Variants in MBTPS1 observed in about 807,000 individuals in gnomAD.
The protein encoded by MBTPS1 is membrane bound transcription factor peptidase, site 1.
Under a neutral mutation model 127.8 loss-of-function variants are expected in MBTPS1, and 94 were observed. That is an observed-to-expected ratio of 0.74 (90% CI 0.62 to 0.87). The LOEUF (loss-of-function observed/expected upper bound fraction) is 0.87. Among genes scored for constraint, MBTPS1 ranks in the 40% least tolerant of loss-of-function variants. MBTPS1 has a pLI of 0.00. For missense variants in MBTPS1, 1,636 were observed against 1,353.2 expected (o/e 1.21, Z -3.28); for synonymous variants, 632 against 509.4 (o/e 1.24, Z -3.24).
intron 6 of MBTPS1, among the ~76,000 whole-genome samples, chr16:84,092,158 C>T (rs752279078): frequency 1.8e-4 from 27 of 152,240 alleles, no homozygotes; most frequent in Non-Finnish European, 3.4e-4. Flanking sequence ...AGCTCCCAAC[C>T]GCCCCTCTCC....
chr16:84,096,904 C>T (rs2086186242), intron 3 of MBTPS1, among the ~76,000 whole-genome samples: 1 of 152,148 alleles, frequency 6.6e-6, no homozygotes, highest in African/African-American at 2.4e-5. Flanking sequence ...GGCCAGACTC[C>T]ACCTCCAGTA....
At chr16:84,095,905 G>C (rs757889786) in intron 3 of MBTPS1, 100 bp from the exon 4 acceptor site, 124 of 919,822 alleles carry the variant, frequency 1.3e-4, no homozygotes, top group Non-Finnish European at 2.0e-4. Flanking sequence ...ATTACCATTT[G>C]CCACTCTGTT....
At chr16:84,115,454 T>G (rs1017100912) in intron 1 of MBTPS1, among the ~76,000 whole-genome samples, 2 of 152,168 alleles carry the variant, frequency 1.3e-5, no homozygotes, top group African/African-American at 4.8e-5. Flanking sequence ...CATCACACAT[T>G]AGAGCATAAA....
chr16:84,063,221 G>T, intron 19 of MBTPS1, 84 bp downstream of exon 19: 2 of 1,420,044 alleles, frequency 1.4e-6, no homozygotes, highest in Non-Finnish European at 2.0e-6. Flanking sequence ...TGATCTGCCA[G>T]CATCTCACGG....
intron 12 of MBTPS1, 43 bp downstream of exon 12, chr16:84,074,554 A>C: frequency 2.5e-6 from 4 of 1,601,110 alleles, no homozygotes; most frequent in Non-Finnish European, 3.4e-6. Flanking sequence ...GCTGTGTCTA[A>C]GTTCACCATC....
chr16:84,106,466 G>A (rs1448779406), intron 1 of MBTPS1, among the ~76,000 whole-genome samples: 1 of 152,332 alleles, frequency 6.6e-6, no homozygotes, highest in South Asian at 2.1e-4. Flanking sequence ...GGGGAAACAG[G>A]ATCCAGGCAG....
rs554137825 is a variant in MBTPS1, at chr16:84,090,806, C to A, written c.1031+69G>T. ...AAGTAACCATAGGTAGATACACAAA[C>A]AGATAACAATTTTTCAGTTATTTAA... On this transcript the variant is annotated intron_variant, in intron 8 of 22. Transcript: ENST00000343411. 15 of 1,113,792 alleles carry A rather than the reference C, an allele frequency of 1.3e-5. No individual in the cohort carries two copies. The South Asian group carries it at 1.4e-4, about 10-fold the overall frequency. The allele number at this position is 1,113,792 out of a possible 1,614,324, so 69.0% of individuals were successfully genotyped here.
intron 11 of MBTPS1, among the ~76,000 whole-genome samples, chr16:84,080,084 G>T (rs540562061): frequency 3.9e-5 from 6 of 152,310 alleles, no homozygotes; most frequent in Non-Finnish European, 7.3e-5. Context: ...CTGGACACAT[G>T]CTGAAAACAC....
rs2085483497 is a variant in MBTPS1 at position 84,054,328 on chromosome 16, C to CT, written c.*120dup. Reference sequence around the variant, plus strand: ...AGGGCAGGCCCATGTAGAACAGACTCTAACAAACCTGCAGCTGGAAACTGG... The same window carrying CT: ...AGGGCAGGCCCATGTAGAACAGACTCTTAACAAACCTGCAGCTGGAAACTGG... On this transcript the variant is annotated 3_prime_UTR_variant, in exon 23 of 23. Transcript: ENST00000343411. 1.1e-6 allele frequency: 1 copy of CT among 889,106 alleles called. No individual in the cohort carries two copies. The highest frequency in any genetic ancestry group is 1.9e-5 in the South Asian group (1 of 53,748). The allele number at this position is 889,106 out of a possible 1,614,324, so 55.1% of individuals were successfully genotyped here. A position where few individuals can be genotyped will look rare whatever the true frequency, so the allele number is the denominator to read the frequency against.
intron 7 of MBTPS1, among the ~76,000 whole-genome samples, 188 bp from the exon 8 acceptor site, chr16:84,091,130 G>A (rs530770354): frequency 6.6e-6 from 1 of 152,288 alleles, no homozygotes; most frequent in East Asian, 1.9e-4. Context: ...GAAGCACGCA[G>A]TGCACAGAGC....
At chr16:84,081,150 T>C (rs902164531) in intron 11 of MBTPS1, among the ~76,000 whole-genome samples, 1 of 152,206 alleles carries the variant, frequency 6.6e-6, no homozygotes, top group South Asian at 2.1e-4. Flanking sequence ...ACTGAGGTTA[T>C]GGAAGATACT....
intron 1 of MBTPS1, among the ~76,000 whole-genome samples, chr16:84,108,315 AG>A (rs957446079): frequency 9.8e-5 from 15 of 152,306 alleles, no homozygotes; most frequent in African/African-American, 3.6e-4. Flanking sequence ...CCCAGGCTGG[AG>A]TGCAATGGCA....
At chr16:84,091,370 C>T (rs1211964730) in intron 7 of MBTPS1, among the ~76,000 whole-genome samples, 3 of 151,554 alleles carry the variant, frequency 2.0e-5, no homozygotes, top group South Asian at 2.1e-4. Context: ...CCTGTAATCC[C>T]GGCTACTTGG....
chr16:84,110,093 T>C lies in MBTPS1; in HGVS notation c.-325+6642A>G, dbSNP rs147420045. ...GCCAAGGACGCATGAGGCTGGGCTA[T>C]TTTAAATGTGGTGACAGGCACATTC... On this transcript the variant is annotated intron_variant, in intron 1 of 22. Coordinates refer to ENST00000343411, the MANE Select transcript of MBTPS1 (RefSeq NM_003791.4). 6.0e-3 allele frequency among the ~76,000 whole-genome samples: 916 copies of C among 152,372 alleles called. 5 individuals are homozygous for C. Among genetic ancestry groups the C allele is most frequent in the South Asian group, 0.014 (67 of 4,828 alleles).
intron 19 of MBTPS1, among the ~76,000 whole-genome samples, chr16:84,061,923 C>T (rs975290015): frequency 5.3e-5 from 8 of 152,124 alleles, no homozygotes; most frequent in African/African-American, 1.9e-4. Flanking sequence ...TTAAAGGGCA[C>T]TTCTGGTCAA....
intron 4 of MBTPS1, among the ~76,000 whole-genome samples, chr16:84,094,698 G>C (rs2086155419): frequency 6.6e-6 from 1 of 152,182 alleles, no homozygotes; most frequent in Non-Finnish European, 1.5e-5. Context: ...AAATCATTTG[G>C]TTTGGGGGGA....
chr16:84,063,211 T>C, intron 19 of MBTPS1, 94 bp downstream of exon 19: 1 of 1,341,702 alleles, frequency 7.5e-7, no homozygotes, highest in Non-Finnish European at 1.0e-6. Context: ...AGATGTCGGC[T>C]GATCTGCCAG....
intron 1 of MBTPS1, among the ~76,000 whole-genome samples, chr16:84,111,074 G>A (rs1467184247): frequency 6.6e-6 from 1 of 152,194 alleles, no homozygotes; most frequent in East Asian, 1.9e-4. Context: ...TAGAACCTGG[G>A]AATGTTACTT....
At chr16:84,077,897 T>C (rs758537023) in intron 11 of MBTPS1, among the ~76,000 whole-genome samples, 5 of 151,102 alleles carry the variant, frequency 3.3e-5, no homozygotes, top group South Asian at 4.2e-4. Flanking sequence ...AAAAACCCCA[T>C]TGAAAAAGAA....
Sources: gnomAD v4.1 joint callset for allele counts (sites outside exome capture counted in the v4.1 genomes callset) on GRCh38, gnomAD v4.1.1 for gene constraint, MANE v1.5 for transcripts, NCBI Gene and HGNC (gene_info 2026-07-23, HGNC 2026-07-21) for gene names.